The following PLAAT4 variants were observed in gnomAD, a reference collection of about 807,000 sequenced individuals.
PLAAT4 encodes HRAS-like suppressor 4.
In PLAAT4, 12 loss-of-function variants were observed where a neutral mutation model predicts 14.1. The ratio of observed to expected loss-of-function variants is 0.85; its 90% confidence interval spans 0.54 to 1.37. The LOEUF is 1.37. PLAAT4 is among the 40% of genes most tolerant of loss of function. The pLI is 0.00. For synonymous variants in PLAAT4, 77 were observed against 79.8 expected (o/e 0.96, Z 0.19); for missense variants, 163 against 211.7 (o/e 0.77, Z 1.43).
chr11:63,541,014 C>G (rs1356994702), intron 2 of PLAAT4, among the ~76,000 whole-genome samples: 4 of 152,146 alleles, frequency 2.6e-5, no homozygotes, highest in Non-Finnish European at 5.9e-5. Context: ...AAGACATTTG[C>G]ATCTTATCAG....
chr11:63,539,453 C>A, intron 1 of PLAAT4, 63 bp from the exon 2 acceptor site: 1 of 1,373,922 alleles, frequency 7.3e-7, no homozygotes, highest in Non-Finnish European at 1.0e-6. Context: ...GCAGCTCCCC[C>A]AGCCAGGGTC....
At chr11:63,540,642 A>G (rs1411213116) in intron 2 of PLAAT4, among the ~76,000 whole-genome samples, 1 of 152,180 alleles carries the variant, frequency 6.6e-6, no homozygotes, top group Non-Finnish European at 1.5e-5. Context: ...CCTGGCCAAC[A>G]TGGTGAAACC....
At chr11:63,537,976 G>A (rs555174273) in intron 1 of PLAAT4, among the ~76,000 whole-genome samples, 2 of 152,328 alleles carry the variant, frequency 1.3e-5, no homozygotes, top group Admixed American at 6.5e-5. Context: ...GGGGACCCAG[G>A]TCCTAGGAGT....
rs181057252 is a variant in PLAAT4, at chr11:63,544,446, C to T, written c.119-175C>T. On this transcript the variant is annotated intron_variant, in intron 2 of 3. Coordinates refer to ENST00000255688, the MANE Select transcript of PLAAT4 (RefSeq NM_004585.5). ...AGTGAGCTGAGATCGCGTCACTGCA[C>T]TCCAGCCTGGGCAACAGAGTGAGAC... is the stretch of plus-strand genomic sequence containing the variant. 2.6e-3 allele frequency among the ~76,000 whole-genome samples: 398 copies of T among 152,088 alleles called. 1 individual carries two copies. The highest frequency in any genetic ancestry group is 6.8e-3 in the Middle Eastern group (2 of 294).
intron 1 of PLAAT4, 95 bp from the exon 2 acceptor site, chr11:63,539,421 C>A: frequency 1.0e-6 from 1 of 981,114 alleles, no homozygotes; most frequent in Non-Finnish European, 1.6e-6. Flanking sequence ...TGAACATCAG[C>A]AAGGCGTCTC....
chr11:63,544,793 G>A lies in PLAAT4; in HGVS notation c.291G>A (p.Lys97=). 6.2e-7 allele frequency: 1 copy of A among 1,614,218 alleles called. No homozygotes were observed. The change falls in exon 3 of 4, where the codon AAG becomes AAA. Residue 97 remains lysine (K), a synonymous_variant. Coordinates refer to ENST00000255688, the MANE Select transcript of PLAAT4 (RefSeq NM_004585.5). ...TGGAGGTGATCATCAGTTCTGCGAAGGAGATGGTTGGTCAGAAGATGAAGT... is the reference window on the plus strand; with the variant it reads ...TGGAGGTGATCATCAGTTCTGCGAAAGAGATGGTTGGTCAGAAGATGAAGT... ...RPVEVIISSA[K]EMVGQKMKYS...
At position 63,536,882 on chromosome 11, in the gene PLAAT4, G is replaced by A. The variant is rs756085873; in HGVS notation, c.9+5G>A. On this transcript the variant is annotated splice_donor_5th_base_variant and intron_variant, in intron 1 of 3. Transcript: ENST00000255688. ...CTTGGCTTCGAGATGGCTTCGGTAA[G>A]TTTCCCAGGGCTTTGCATTACTGAC... The A allele has an allele frequency of 2.7e-5, 44 of 1,612,356 alleles. 1 individual carries two copies. The South Asian group carries it at 3.8e-4, about 14-fold the overall frequency.
chr11:63,541,677 C>A (rs1281760228), intron 2 of PLAAT4, among the ~76,000 whole-genome samples: 3 of 150,044 alleles, frequency 2.0e-5, no homozygotes, highest in African/African-American at 7.4e-5. Context: ...ATTTTGCATA[C>A]TTTACAATAA....
intron 1 of PLAAT4, among the ~76,000 whole-genome samples, chr11:63,538,574 G>T (rs868608943): frequency 6.6e-6 from 1 of 152,126 alleles, no homozygotes; most frequent in Admixed American, 6.5e-5. Context: ...GGAGGAGGCT[G>T]TCACCCACTG....
chr11:63,545,558 T>C (rs779946394), intron 3 of PLAAT4, among the ~76,000 whole-genome samples: 2 of 152,104 alleles, frequency 1.3e-5, no homozygotes, highest in Non-Finnish European at 2.9e-5. Context: ...GCATGTGATG[T>C]CTGAGGTGCC....
chr11:63,540,597 G>A (rs1222381296), intron 2 of PLAAT4, among the ~76,000 whole-genome samples: 6 of 152,150 alleles, frequency 3.9e-5, no homozygotes, highest in Admixed American at 6.5e-5. Context: ...AGGCCAAGGC[G>A]GACGGATCAC....
Position 63,546,144 on chromosome 11 carries a change from T to C in PLAAT4, c.388-5T>C. 6.2e-7 allele frequency: 1 copy of C among 1,612,906 alleles called. No individual in the cohort carries two copies. Among genetic ancestry groups the C allele is most frequent in the Non-Finnish European group, 8.5e-7 (1 of 1,178,962 alleles). ...AACGCTCAACAAAAGCTGCTTGCTTTGCAGGTGGAAAAGGCCAAGGTTGAA... is the reference window on the plus strand; with the variant it reads ...AACGCTCAACAAAAGCTGCTTGCTTCGCAGGTGGAAAAGGCCAAGGTTGAA... On this transcript the variant is annotated splice_region_variant and splice_polypyrimidine_tract_variant and intron_variant, in intron 3 of 3. Coordinates refer to ENST00000255688, the MANE Select transcript of PLAAT4 (RefSeq NM_004585.5).
At chr11:63,545,923 C>T (rs1337009162) in intron 3 of PLAAT4, among the ~76,000 whole-genome samples, 1 of 152,116 alleles carries the variant, frequency 6.6e-6, no homozygotes, top group Non-Finnish European at 1.5e-5. Context: ...ACAAGTCGAA[C>T]ACCAAGAAGT....
intron 2 of PLAAT4, 139 bp from the exon 3 acceptor site, chr11:63,544,482 T>TA (rs557490744): frequency 0.027 from 22,456 of 831,874 alleles, 8 homozygotes; most frequent in Middle Eastern, 0.031. Context: ...TCCATCAAAA[T>TA]AAAAAAAAAA....
At position 63,536,835 on chromosome 11, in the gene PLAAT4, CAA is replaced by C. The variant is rs1355820117; in HGVS notation, c.-33_-32del. On this transcript the variant is annotated 5_prime_UTR_variant, in exon 1 of 4. Coordinates refer to ENST00000255688, the MANE Select transcript of PLAAT4 (RefSeq NM_004585.5). Reference sequence around the variant, plus strand: ...TTCAGCATAAAAGCTGATCCACAAACAAGAGGAGCACCAGACCTCCTCTTGGC... The same window carrying C: ...TTCAGCATAAAAGCTGATCCACAAACGAGGAGCACCAGACCTCCTCTTGGC... 2 of 1,603,804 alleles carry C rather than the reference CAA, an allele frequency of 1.2e-6. No individual in the cohort carries two copies. The highest frequency in any genetic ancestry group is 1.7e-6 in the Non-Finnish European group (2 of 1,176,840).
chr11:63,546,341 T>G lies in PLAAT4; in HGVS notation c.*85T>G. Reference sequence around the variant, plus strand: ...CCCCATGCCTCCAGCAGCCTGACCCTCGTGCCCTGTCTCAGGCGTTCTCTA... The same window carrying G: ...CCCCATGCCTCCAGCAGCCTGACCCGCGTGCCCTGTCTCAGGCGTTCTCTA... On this transcript the variant is annotated 3_prime_UTR_variant, in exon 4 of 4. Transcript: ENST00000255688. 1 of 1,218,076 alleles carries G rather than the reference T, an allele frequency of 8.2e-7. No individual in the cohort carries two copies. The highest frequency in any genetic ancestry group is 1.2e-5 in the South Asian group (1 of 81,468). The allele number at this position is 1,218,076 out of a possible 1,614,324, so 75.5% of individuals were successfully genotyped here. A position where few individuals can be genotyped will look rare whatever the true frequency, so the allele number is the denominator to read the frequency against.
In PLAAT4 at chr11:63,536,867, A is replaced by C. The variant is rs539263426; in HGVS notation, c.-2A>C. ...AGCACCAGACCTCCTCTTGGCTTCG[A>C]GATGGCTTCGGTAAGTTTCCCAGGG... is the stretch of plus-strand genomic sequence containing the variant. On this transcript the variant is annotated 5_prime_UTR_variant, in exon 1 of 4. Coordinates refer to ENST00000255688, the MANE Select transcript of PLAAT4 (RefSeq NM_004585.5). 3.1e-6 allele frequency: 5 copies of C among 1,612,700 alleles called. No individual in the cohort carries two copies. In the East Asian group the frequency reaches 1.1e-4, roughly 36 times the overall value.
chr11:63,542,192 T>C (rs1205257511), intron 2 of PLAAT4, among the ~76,000 whole-genome samples: 2 of 152,230 alleles, frequency 1.3e-5, no homozygotes, highest in Non-Finnish European at 2.9e-5. Context: ...ACTAAGAATC[T>C]TTATAAATGC....
chr11:63,538,888 T>C (rs2017295309), intron 1 of PLAAT4, among the ~76,000 whole-genome samples: 1 of 152,110 alleles, frequency 6.6e-6, no homozygotes, highest in South Asian at 2.1e-4. Context: ...CACAGAGGCC[T>C]GTTCTGTGAG....
Sources: allele counts gnomAD v4.1 joint callset (sites outside exome capture counted in the v4.1 genomes callset), GRCh38; gene constraint gnomAD v4.1.1; transcripts MANE v1.5; gene names NCBI Gene and HGNC (gene_info 2026-07-23, HGNC 2026-07-21).